The following CARHSP1 variants were observed in gnomAD, a reference collection of about 807,000 sequenced individuals.
CARHSP1 encodes the protein calcium regulated heat stable protein 1.
CARHSP1 carries 14 observed loss-of-function variants against 12.5 expected under a neutral mutation model. The observed-to-expected ratio is 1.12, with a 90% CI of 0.74 to 1.75. CARHSP1 has a LOEUF of 1.75. Ranked by LOEUF, CARHSP1 falls within the 40% of genes most tolerant of loss-of-function variation. The pLI is 0.00. For synonymous variants in CARHSP1, 161 were observed against 82.0 expected, an observed-to-expected ratio of 1.96 and a Z score of -5.20; for missense variants, 343 against 201.6, an observed-to-expected ratio of 1.70 and a Z score of -4.25.
chr16:8,860,050 C>G, intron 1 of CARHSP1: 1 of 747,904 alleles, frequency 1.3e-6, no homozygotes, highest in Non-Finnish European at 1.6e-6. Context: ...TCCACGGACC[C>G]TCCCTGACGC....
At position 8,858,839 on chromosome 16, in the gene CARHSP1, A is replaced by T. The variant is rs368260468; in HGVS notation, c.158+332T>A. The T allele has an allele frequency of 2.7e-5, 11 of 408,894 alleles. 1 individual carries two copies. In the South Asian group the frequency reaches 5.1e-4, roughly 19 times the overall value. The allele number at this position is 408,894 out of a possible 1,614,324, so 25.3% of individuals were successfully genotyped here. A position where few individuals can be genotyped will look rare whatever the true frequency, so the allele number is the denominator to read the frequency against. On this transcript the variant is annotated intron_variant, in intron 2 of 3. Coordinates refer to ENST00000311052, the MANE Select transcript of CARHSP1 (RefSeq NM_014316.4). ...GCCAGGCATTATGTGGGTCCTTTGC[A>T]GCCCTGGTGCTGTGCCCATTTTGCA... is the stretch of plus-strand genomic sequence containing the variant.
intron 1 of CARHSP1, chr16:8,860,170 G>C (rs1419117687): frequency 1.0e-6 from 1 of 985,464 alleles, no homozygotes; most frequent in Non-Finnish European, 1.2e-6. Flanking sequence ...CGCCACGTTT[G>C]GATCCCTGAG....
intron 3 of CARHSP1, 90 bp downstream of exon 3, chr16:8,858,258 AGC>A (rs1247598634): frequency 2.8e-6 from 4 of 1,446,650 alleles, no homozygotes; most frequent in Admixed American, 2.0e-5. Context: ...CCTCACACCC[AGC>A]GCCCATCAGA....
chr16:8,856,864 C>G (rs1017247589), intron 3 of CARHSP1, among the ~76,000 whole-genome samples: 3 of 152,136 alleles, frequency 2.0e-5, no homozygotes, highest in Non-Finnish European at 4.4e-5. Context: ...GGCTGGGTGC[C>G]TTCCAGCCCA....
intron 3 of CARHSP1, 116 bp downstream of exon 3, chr16:8,858,234 G>A (rs1479194765): frequency 1.0e-5 from 13 of 1,241,074 alleles, no homozygotes; most frequent in East Asian, 2.5e-5. Context: ...AGTCACACAG[G>A]CCCAGCCATT....
chr16:8,858,118 A>T (rs1190134788), intron 3 of CARHSP1: 1 of 563,236 alleles, frequency 1.8e-6, no homozygotes, highest in Non-Finnish European at 3.2e-6. Context: ...AATCACAAGT[A>T]CCGTGTCGCC....
At chr16:8,858,588 C>T (rs1181499960) in intron 2 of CARHSP1, 116 bp from the exon 3 acceptor site, 5 of 1,275,796 alleles carry the variant, frequency 3.9e-6, no homozygotes, top group East Asian at 2.4e-5. Context: ...CCGCCATGTA[C>T]AGTCACACAG....
At chr16:8,859,679 G>A in intron 1 of CARHSP1, 2 of 184,966 alleles carry the variant, frequency 1.1e-5, no homozygotes, top group East Asian at 1.4e-4. Context: ...AAGGTGAGCA[G>A]AAAACCCAAA....
intron 1 of CARHSP1, chr16:8,860,442 T>G: frequency 1.0e-5 from 10 of 985,326 alleles, no homozygotes; most frequent in African/African-American, 1.7e-5. Context: ...TACACAATAA[T>G]CACTGAACAT....
intron 1 of CARHSP1, among the ~76,000 whole-genome samples, chr16:8,862,133 G>C (rs2061375677): frequency 6.6e-6 from 1 of 151,302 alleles, no homozygotes. Context: ...CTCCCAAGTA[G>C]CAGGGGTTAC....
chr16:8,865,919 T>G (rs2061447054), intron 1 of CARHSP1, among the ~76,000 whole-genome samples: 1 of 152,192 alleles, frequency 6.6e-6, no homozygotes, highest in Admixed American at 6.5e-5. Flanking sequence ...AGATTGCCAT[T>G]CAGCAGGTGT....
chr16:8,855,029 T>G lies in CARHSP1; in HGVS notation c.*135A>C. 2 of 400,236 alleles carry G rather than the reference T, an allele frequency of 5.0e-6. No individual in the cohort carries two copies. The highest frequency in any genetic ancestry group is 8.0e-6 in the Non-Finnish European group (2 of 249,088). The allele number at this position is 400,236 out of a possible 1,614,324, so 24.8% of individuals were successfully genotyped here. A position where few individuals can be genotyped will look rare whatever the true frequency, so the allele number is the denominator to read the frequency against. ...CACACCTGCCCCCCATACCCCTTCC[T>G]CCAGGAGATACTTGAGAGGGACCAT... On this transcript the variant is annotated 3_prime_UTR_variant, in exon 4 of 4. Coordinates refer to ENST00000311052, the MANE Select transcript of CARHSP1 (RefSeq NM_014316.4).
intron 1 of CARHSP1, among the ~76,000 whole-genome samples, chr16:8,867,083 C>T (rs2061467206): frequency 1.3e-5 from 2 of 152,160 alleles, no homozygotes; most frequent in Non-Finnish European, 2.9e-5. Flanking sequence ...GACGGTCACC[C>T]CACCGCCACC....
In CARHSP1 at chr16:8,854,341, A is replaced by C. The variant is rs2061029096; in HGVS notation, c.*823T>G. 1 of 152,164 alleles carries C rather than the reference A, an allele frequency of 6.6e-6. No individual in the cohort carries two copies. The highest frequency in any genetic ancestry group is 1.5e-5 in the Non-Finnish European group (1 of 68,028). 9.4% of individuals were successfully genotyped at this position (152,164 alleles called of 1,614,324 possible). A position where few individuals can be genotyped will look rare whatever the true frequency, so the allele number is the denominator to read the frequency against. On this transcript the variant is annotated 3_prime_UTR_variant, in exon 4 of 4. Coordinates refer to ENST00000311052, the MANE Select transcript of CARHSP1 (RefSeq NM_014316.4). ...TTTAAACAAAGACTGTGTCCTCTCC[A>C]CAAGCCCTTCCCACCACCACCACCC...
Position 8,866,975 on chromosome 16 carries a change from C to T in CARHSP1, c.-8+1991G>A, listed in dbSNP as rs368701625. Among the ~76,000 whole-genome samples the T allele has an allele frequency of 3.3e-5, 5 of 152,260 alleles. No individual in the cohort carries two copies. The South Asian group carries it at 1.0e-3, about 32-fold the overall frequency. On this transcript the variant is annotated intron_variant, in intron 1 of 3. Coordinates refer to ENST00000311052, the MANE Select transcript of CARHSP1 (RefSeq NM_014316.4). The stretch of plus-strand genomic sequence containing the variant: ...AGAGGCCGGAAACCCGAGGAGTGTA[C>T]CGGGAACCCAAGGGGGCCTCCAACA...
chr16:8,859,717 C>G (rs2061284958), intron 1 of CARHSP1: 1 of 164,752 alleles, frequency 6.1e-6, no homozygotes, highest in Non-Finnish European at 1.3e-5. Context: ...GTGGCTCACA[C>G]CTGCAATCCC....
chr16:8,859,076 G>T, intron 2 of CARHSP1, 95 bp downstream of exon 2: 7 of 1,263,710 alleles, frequency 5.5e-6, no homozygotes, highest in Non-Finnish European at 7.5e-6. Context: ...GGCAGTCCGG[G>T]ACATAGGCCC....
chr16:8,854,993 A>ACC lies in CARHSP1; in HGVS notation c.*169_*170dup. On this transcript the variant is annotated 3_prime_UTR_variant, in exon 4 of 4. Transcript: ENST00000311052. ...ATAGGCTGTGCTGATGGCCGGGAACACCCCACACCCCACACCTGCCCCCCA... is the reference window on the plus strand; with the variant it reads ...ATAGGCTGTGCTGATGGCCGGGAACACCCCCCACACCCCACACCTGCCCCCCA... The ACC allele has an allele frequency of 2.0e-6, 1 of 493,728 alleles. No homozygotes were observed. The highest frequency in any genetic ancestry group is 3.5e-6 in the Non-Finnish European group (1 of 283,518). The allele number at this position is 493,728 out of a possible 1,614,324, so 30.6% of individuals were successfully genotyped here. A position where few individuals can be genotyped will look rare whatever the true frequency, so the allele number is the denominator to read the frequency against.
chr16:8,867,920 AGATCTAAGC>A (rs1229863884), intron 1 of CARHSP1: 9 of 152,438 alleles, frequency 5.9e-5, no homozygotes, highest in Non-Finnish European at 1.0e-4. Flanking sequence ...AGCGTGGGGT[AGATCTAAGC>A]GGATTGTTTT....
Sources: allele counts gnomAD v4.1 joint callset (sites outside exome capture counted in the v4.1 genomes callset), GRCh38; gene constraint gnomAD v4.1.1; transcripts MANE v1.5; gene names NCBI Gene and HGNC (gene_info 2026-07-23, HGNC 2026-07-21).